The following MEIS2 variants were observed in gnomAD, a reference collection of about 807,000 sequenced individuals.
MEIS2 encodes homeobox protein Meis2.
A neutral mutation model predicts 58.6 loss-of-function variants in MEIS2; 9 were observed. The ratio of observed to expected loss-of-function variants is 0.15; its 90% CI spans 0.09 to 0.27. MEIS2 has a LOEUF of 0.27. MEIS2 is among the 10% of genes least tolerant of loss of function. The pLI is 1.00. For missense variants in MEIS2, 427 were observed against 635.0 expected (o/e 0.67, Z 3.52); for synonymous variants, 221 against 228.4 (o/e 0.97, Z 0.29).
At position 37,091,218 on chromosome 15, in the gene MEIS2, G is replaced by A. The variant is rs539155616; in HGVS notation, c.639+2363C>T. Among the ~76,000 whole-genome samples the A allele has an allele frequency of 3.9e-5, 6 of 152,206 alleles. No homozygotes were observed. The South Asian group carries it at 1.2e-3, about 32-fold the overall frequency. On this transcript the variant is annotated intron_variant, in intron 6 of 11. Coordinates refer to ENST00000561208, the MANE Select transcript of MEIS2 (RefSeq NM_170675.5). Reference sequence around the variant, plus strand: ...AAGCATAAGAGGATTTGCTTTGAAGGGGGAAGCCTGGACATGAATACAATC... The same window carrying A: ...AAGCATAAGAGGATTTGCTTTGAAGAGGGAAGCCTGGACATGAATACAATC...
chr15:37,047,159 T>A (rs2062709224), intron 7 of MEIS2, among the ~76,000 whole-genome samples: 1 of 152,208 alleles, frequency 6.6e-6, no homozygotes, highest in Non-Finnish European at 1.5e-5. Context: ...AATGATTCAT[T>A]TTTAGTGATC....
chr15:37,077,614 G>A (rs1214685195), intron 7 of MEIS2, among the ~76,000 whole-genome samples: 1 of 152,056 alleles, frequency 6.6e-6, no homozygotes, highest in Non-Finnish European at 1.5e-5. Flanking sequence ...GGAACAGACA[G>A]TGCTACAGAA....
At chr15:36,900,191 G>GT (rs1461409153) in intron 9 of MEIS2, among the ~76,000 whole-genome samples, 5 of 152,092 alleles carry the variant, frequency 3.3e-5, no homozygotes, top group South Asian at 2.1e-4. Flanking sequence ...AACATTCTGA[G>GT]TTTTTTTACA....
chr15:36,940,384 G>A (rs933119163), intron 9 of MEIS2, among the ~76,000 whole-genome samples: 9 of 151,990 alleles, frequency 5.9e-5, no homozygotes, highest in African/African-American at 1.9e-4. Flanking sequence ...TGTGTAGAAG[G>A]GAGACATGAC....
intron 9 of MEIS2, among the ~76,000 whole-genome samples, chr15:36,927,137 A>T (rs534944182): frequency 1.2e-4 from 18 of 152,178 alleles, no homozygotes; most frequent in Non-Finnish European, 2.2e-4. Flanking sequence ...CATGCATCTG[A>T]CCTCATAAAT....
intron 8 of MEIS2, among the ~76,000 whole-genome samples, chr15:37,030,627 G>A (rs2061877988): frequency 4.7e-5 from 7 of 149,416 alleles, no homozygotes; most frequent in South Asian, 2.1e-4. Context: ...GTGAGTCATC[G>A]CCCCCAGCCT....
intron 1 of MEIS2, chr15:37,098,412 GAGAGAGAGAGA>G (rs1894634969): frequency 8.6e-7 from 1 of 1,166,888 alleles, no homozygotes; most frequent in Middle Eastern, 3.2e-4. Flanking sequence ...GAGAGAGAGA[GAGAGAGAGAGA>G]GAAAATAAAA....
chr15:36,918,030 A>T (rs2057351709), intron 9 of MEIS2, among the ~76,000 whole-genome samples: 1 of 152,156 alleles, frequency 6.6e-6, no homozygotes, highest in Non-Finnish European at 1.5e-5. Flanking sequence ...CCTTTAACAA[A>T]TATTTATTCA....
At chr15:37,045,404 G>A (rs1027916157) in intron 7 of MEIS2, among the ~76,000 whole-genome samples, 25 of 151,952 alleles carry the variant, frequency 1.6e-4, no homozygotes. Context: ...TTCAGCGGTT[G>A]TCAGGGACTA....
At chr15:37,101,142 T>A (rs545827038), upstream of MEIS2, 4 of 151,976 alleles carry the variant, frequency 2.6e-5, no homozygotes, top group Admixed American at 2.6e-4. Context: ...ACCTTGTCAA[T>A]ACTCATTTTT....
At chr15:36,954,097 A>G (rs960887862) in intron 8 of MEIS2, among the ~76,000 whole-genome samples, 2 of 152,160 alleles carry the variant, frequency 1.3e-5, no homozygotes, top group African/African-American at 4.8e-5. Context: ...TGTACAATGA[A>G]TGAAAAAGCT....
chr15:37,007,941 T>G (rs906966299), intron 8 of MEIS2, among the ~76,000 whole-genome samples: 6 of 152,194 alleles, frequency 3.9e-5, no homozygotes, highest in South Asian at 2.1e-4. Flanking sequence ...CTTAATGATT[T>G]TAAAACCTAA....
chr15:36,928,807 A>G (rs2057851848), intron 9 of MEIS2, among the ~76,000 whole-genome samples: 1 of 152,212 alleles, frequency 6.6e-6, no homozygotes, highest in Non-Finnish European at 1.5e-5. Flanking sequence ...ACCAATTGAA[A>G]ATAGTATCTT....
rs557584879 is a variant in MEIS2, at chr15:37,097,872, C to T, written c.245+95G>A. ...CCCGCCCCCCACCATACAGAAGTAA[C>T]TCCCCACTTAGTCGTCCACCTTCCC... On this transcript the variant is annotated intron_variant, in intron 2 of 11. Transcript: ENST00000561208. The T allele has an allele frequency of 3.8e-5, 55 of 1,456,642 alleles. 1 individual carries two copies. The South Asian group carries it at 7.4e-4, about 19-fold the overall frequency. 90.2% of individuals were successfully genotyped at this position (1,456,642 alleles called of 1,614,324 possible).
At chr15:36,996,174 C>G (rs1343981690) in intron 8 of MEIS2, among the ~76,000 whole-genome samples, 1 of 151,674 alleles carries the variant, frequency 6.6e-6, no homozygotes, top group Non-Finnish European at 1.5e-5. Flanking sequence ...AGACAATTTT[C>G]TCATTTAGTT....
chr15:36,938,994 C>T (rs2058277974), intron 9 of MEIS2, among the ~76,000 whole-genome samples: 2 of 152,186 alleles, frequency 1.3e-5, no homozygotes, highest in Admixed American at 1.3e-4. Flanking sequence ...CACTGGACCT[C>T]GTGCACTTGC....
At chr15:36,921,069 TC>T (rs1324039895) in intron 9 of MEIS2, among the ~76,000 whole-genome samples, 2 of 152,208 alleles carry the variant, frequency 1.3e-5, no homozygotes, top group Non-Finnish European at 2.9e-5. Flanking sequence ...TAGTAAATTC[TC>T]CATTTGTTAA....
chr15:36,896,035 G>T (rs1595668790), intron 10 of MEIS2, among the ~76,000 whole-genome samples: 1 of 152,174 alleles, frequency 6.6e-6, no homozygotes, highest in East Asian at 1.9e-4. Flanking sequence ...ATACCAGGAG[G>T]GTTCTGATAG....
rs1894926828 is a variant in MEIS2 at position 37,100,180 on chromosome 15, A to T, written c.-714T>A. ...AAGCAGTGAGAAAAATCAAGAAAAAAAAATGAATAGTTTGCAAAAATTGGA... is the reference window on the plus strand; with the variant it reads ...AAGCAGTGAGAAAAATCAAGAAAAATAAATGAATAGTTTGCAAAAATTGGA... On this transcript the variant is annotated 5_prime_UTR_variant, in exon 1 of 12. Coordinates refer to ENST00000561208, the MANE Select transcript of MEIS2 (RefSeq NM_170675.5). 2 of 150,756 alleles carry T rather than the reference A, an allele frequency of 1.3e-5. No homozygotes were observed. The highest frequency in any genetic ancestry group is 4.2e-4 in the South Asian group (2 of 4,724). 9.3% of individuals were successfully genotyped at this position (150,756 alleles called of 1,614,324 possible).
Sources: gnomAD v4.1 joint callset for allele counts (sites outside exome capture counted in the v4.1 genomes callset) on GRCh38, gnomAD v4.1.1 for gene constraint, MANE v1.5 for transcripts, NCBI Gene and HGNC (gene_info 2026-07-23, HGNC 2026-07-21) for gene names.